KANSL1L: variants seen among roughly 807,000 people sequenced by gnomAD.
KANSL1L encodes the protein KAT8 regulatory NSL complex subunit 1 like.
In KANSL1L, 25 loss-of-function variants were observed where a neutral mutation model predicts 108.6. The observed-to-expected ratio is 0.23, with a 90% confidence interval of 0.17 to 0.32. The LOEUF (loss-of-function observed/expected upper bound fraction) is 0.32, where lower values mean the gene tolerates loss of function less well. Among genes scored for constraint, KANSL1L ranks in the 10% least tolerant of loss-of-function variants. KANSL1L has a pLI of 1.00. For missense variants in KANSL1L, 1,137 were observed against 1,125.7 expected (o/e 1.01, Z -0.14); for synonymous variants, 405 against 395.1 (o/e 1.03, Z -0.30).
At chr2:210,031,213 A>G (rs1290513037) in intron 9 of KANSL1L, 1 of 446,628 alleles carries the variant, frequency 2.2e-6, no homozygotes, top group Non-Finnish European at 3.9e-6. Context: ...GGAGGGAAAT[A>G]CTTAATTGCC....
intron 5 of KANSL1L, among the ~76,000 whole-genome samples, chr2:210,082,432 G>A (rs2094597825): frequency 6.6e-6 from 1 of 152,182 alleles, no homozygotes; most frequent in African/African-American, 2.4e-5. Context: ...ATAGGAGTGT[G>A]AAAGATCCAT....
chr2:210,142,850 T>C (rs2095240102), intron 2 of KANSL1L, among the ~76,000 whole-genome samples: 1 of 152,124 alleles, frequency 6.6e-6, no homozygotes, highest in South Asian at 2.1e-4. Flanking sequence ...TGGTTAAGAT[T>C]TGTCATGTGG....
intron 13 of KANSL1L, 103 bp downstream of exon 13, chr2:210,025,001 A>G (rs1173763195): frequency 5.4e-6 from 4 of 736,094 alleles, no homozygotes; most frequent in Non-Finnish European, 9.9e-6. Flanking sequence ...CTGATGTTAC[A>G]ACAGCATGTT....
At chr2:210,105,966 C>T (rs180760920) in intron 3 of KANSL1L, among the ~76,000 whole-genome samples, 1 of 152,078 alleles carries the variant, frequency 6.6e-6, no homozygotes, top group Non-Finnish European at 1.5e-5. Flanking sequence ...AGTATCCATT[C>T]AAAATTTCTA....
At chr2:210,141,367 C>T (rs2095228230) in intron 2 of KANSL1L, among the ~76,000 whole-genome samples, 1 of 152,048 alleles carries the variant, frequency 6.6e-6, no homozygotes, top group South Asian at 2.1e-4. Flanking sequence ...AATGTGATGG[C>T]CTTAAGAGGG....
Position 210,065,452 on chromosome 2 carries a change from G to C in KANSL1L, c.1755+10100C>G, listed in dbSNP as rs1443096522. ...ACAGTTAGACATGGTATCAGTAAAAGATCAAATCCAGGGAACTGCCAGTAA... is the reference window on the plus strand; with the variant it reads ...ACAGTTAGACATGGTATCAGTAAAACATCAAATCCAGGGAACTGCCAGTAA... On this transcript the variant is annotated intron_variant, in intron 6 of 14. Transcript: ENST00000281772. Among the ~76,000 whole-genome samples the C allele has an allele frequency of 2.0e-5, 3 of 151,890 alleles. 1 individual carries two copies. The highest frequency in any genetic ancestry group is 7.3e-5 in the African/African-American group (3 of 41,366).
chr2:210,075,918 T>C (rs532596891), intron 5 of KANSL1L, among the ~76,000 whole-genome samples, 162 bp from the exon 6 acceptor site: 1 of 152,360 alleles, frequency 6.6e-6, no homozygotes, highest in African/African-American at 2.4e-5. Context: ...ATATTTTGTA[T>C]TAACGGGAAA....
At chr2:210,165,183 A>G (rs1687865138) in intron 1 of KANSL1L, among the ~76,000 whole-genome samples, 1 of 144,080 alleles carries the variant, frequency 6.9e-6, no homozygotes, top group African/African-American at 2.5e-5. Flanking sequence ...TACTAAAAAA[A>G]AAACCAAAAA....
At chr2:210,027,230 T>G (rs2093950658) in intron 12 of KANSL1L, 66 bp downstream of exon 12, 1 of 1,050,820 alleles carries the variant, frequency 9.5e-7, no homozygotes, top group African/African-American at 1.6e-5. Flanking sequence ...GTTCCCTGAA[T>G]GTCAAAGTAA....
intron 3 of KANSL1L, among the ~76,000 whole-genome samples, chr2:210,107,654 G>A (rs1041393249): frequency 2.0e-5 from 3 of 151,464 alleles, no homozygotes; most frequent in African/African-American, 7.3e-5. Context: ...TCAGCCTTCC[G>A]AGTAGCTGGG....
At chr2:210,139,864 C>A (rs2095212478) in intron 2 of KANSL1L, among the ~76,000 whole-genome samples, 1 of 137,424 alleles carries the variant, frequency 7.3e-6, no homozygotes, top group African/African-American at 2.8e-5. Flanking sequence ...ATCTCAGTCT[C>A]CTGAGTGGCT....
intron 4 of KANSL1L, among the ~76,000 whole-genome samples, chr2:210,100,376 T>C (rs928767174): frequency 6.6e-6 from 1 of 152,238 alleles, no homozygotes; most frequent in Non-Finnish European, 1.5e-5. Context: ...AAGGTATTAA[T>C]ACTTTTCAAT....
intron 1 of KANSL1L, among the ~76,000 whole-genome samples, chr2:210,167,015 T>C (rs1047862041): frequency 1.1e-4 from 16 of 151,964 alleles, no homozygotes; most frequent in South Asian, 8.3e-4. Flanking sequence ...AGAGACACTG[T>C]CTCTACAAAA....
At chr2:210,117,869 A>C (rs1438909966) in intron 3 of KANSL1L, among the ~76,000 whole-genome samples, 2 of 152,194 alleles carry the variant, frequency 1.3e-5, no homozygotes, top group South Asian at 4.1e-4. Flanking sequence ...ATTATAAAAA[A>C]ATAGAAAATT....
intron 4 of KANSL1L, 57 bp from the exon 5 acceptor site, chr2:210,098,264 T>C: frequency 6.4e-7 from 1 of 1,556,192 alleles, no homozygotes; most frequent in Non-Finnish European, 8.8e-7. Context: ...GAGTTAAAGC[T>C]CAGATGCATA....
At chr2:210,148,972 TTATAA>T (rs1300544940) in intron 2 of KANSL1L, among the ~76,000 whole-genome samples, 2 of 152,018 alleles carry the variant, frequency 1.3e-5, no homozygotes, top group African/African-American at 4.8e-5. Flanking sequence ...ACACTGAAAA[TTATAA>T]TAAAATCATT....
intron 3 of KANSL1L, among the ~76,000 whole-genome samples, chr2:210,118,166 C>CAAA (rs34675432): frequency 1.0e-5 from 1 of 98,988 alleles, no homozygotes; most frequent in East Asian, 3.2e-4. Context: ...AACTCCATCT[C>CAAA]AAAAAAAAAA....
chr2:210,116,581 A>G (rs898530824), intron 3 of KANSL1L, among the ~76,000 whole-genome samples: 20 of 152,154 alleles, frequency 1.3e-4, no homozygotes, highest in Non-Finnish European at 2.8e-4. Context: ...GTAAGGGAAG[A>G]GAACAGGAGT....
At chr2:210,073,774 A>AACACACACACAC (rs372708042) in intron 6 of KANSL1L, among the ~76,000 whole-genome samples, 1 of 141,926 alleles carries the variant, frequency 7.0e-6, no homozygotes. Context: ...GAAACACACA[A>AACACACACACAC]ACACACACAC....
Sources: gnomAD v4.1 joint callset for allele counts (sites outside exome capture counted in the v4.1 genomes callset) on GRCh38, gnomAD v4.1.1 for gene constraint, MANE v1.5 for transcripts, NCBI Gene and HGNC (gene_info 2026-07-23, HGNC 2026-07-21) for gene names.